Variants in TMEM178A observed in about 807,000 individuals in gnomAD.
TMEM178A encodes the protein transmembrane protein 178.
TMEM178A carries 12 observed loss-of-function variants against 29.1 expected under a neutral mutation model. The ratio of observed to expected loss-of-function variants is 0.41; its 90% confidence interval spans 0.26 to 0.67. The LOEUF is 0.67. TMEM178A is among the 30% of genes least tolerant of loss of function. The pLI, the probability that TMEM178A is intolerant of heterozygous loss-of-function variation, is 0.29. For missense variants in TMEM178A, 366 were observed against 419.1 expected (o/e 0.87, Z 1.11); for synonymous variants, 210 against 187.2 (o/e 1.12, Z -0.99).
chr2:39,674,895 G>A (rs369069549), intron 1 of TMEM178A, among the ~76,000 whole-genome samples: 9 of 151,866 alleles, frequency 5.9e-5, no homozygotes, highest in South Asian at 4.2e-4. Flanking sequence ...ATAAGCACGC[G>A]TAGAATAAAA....
chr2:39,703,420 G>A (rs1051979518), intron 1 of TMEM178A, among the ~76,000 whole-genome samples: 1 of 152,156 alleles, frequency 6.6e-6, no homozygotes, highest in Admixed American at 6.6e-5. Context: ...GTGTACACCT[G>A]CCCATATCAA....
intron 1 of TMEM178A, among the ~76,000 whole-genome samples, chr2:39,678,095 C>T (rs551518237): frequency 6.6e-6 from 1 of 152,158 alleles, no homozygotes; most frequent in African/African-American, 2.4e-5. Flanking sequence ...ATCTTGTTTC[C>T]TTAAATATCC....
downstream of TMEM178A, among the ~76,000 whole-genome samples, chr2:39,720,229 G>A (rs72936047): frequency 0.028 from 4,230 of 152,198 alleles, 190 homozygotes; most frequent in African/African-American, 0.095. Context: ...AGGGCCGGGT[G>A]GGGGGTGCCT....
intron 1 of TMEM178A, among the ~76,000 whole-genome samples, chr2:39,675,298 T>G (rs2716688): frequency 0.51 from 77,077 of 151,870 alleles, 20,625 homozygotes; most frequent in East Asian, 0.87. Flanking sequence ...GCACCACCAC[T>G]GATTTGGAAA....
chr2:39,734,348 T>TTTTC, the TMEM178A span, among the ~76,000 whole-genome samples: 1 of 152,212 alleles, frequency 6.6e-6, no homozygotes, highest in African/African-American at 2.4e-5. Context: ...CCACACTAGG[T>TTTTC]TTTCTTTCTA....
At chr2:39,688,080 A>T (rs1337975513) in intron 1 of TMEM178A, among the ~76,000 whole-genome samples, 1 of 152,242 alleles carries the variant, frequency 6.6e-6, no homozygotes, top group East Asian at 1.9e-4. Context: ...TACTTTTAGT[A>T]AGTTATTATC....
chr2:39,704,289 C>T (rs1054385230), intron 2 of TMEM178A, 95 bp downstream of exon 2: 2 of 1,051,818 alleles, frequency 1.9e-6, no homozygotes, highest in African/African-American at 3.1e-5. Flanking sequence ...GGATGTTGTT[C>T]TTATCCTCTG....
rs146030354 is a variant in TMEM178A, at chr2:39,682,447, G to A, written c.400+16073G>A. Among the ~76,000 whole-genome samples, 1,280 of 151,332 alleles carry A rather than the reference G, an allele frequency of 8.5e-3. 15 individuals carry two copies. Among genetic ancestry groups the A allele is most frequent in the South Asian group, 0.035 (167 of 4,802 alleles). On this transcript the variant is annotated intron_variant, in intron 1 of 3. Coordinates refer to ENST00000281961, the MANE Select transcript of TMEM178A (RefSeq NM_152390.3). ...AATGCTTATTGCCTTCCTAAATATC[G>A]TATGCTTCTGCTTCTGTTGTCTGCC...
At chr2:39,670,239 G>T (rs1285947487) in intron 1 of TMEM178A, among the ~76,000 whole-genome samples, 2 of 152,180 alleles carry the variant, frequency 1.3e-5, no homozygotes, top group East Asian at 3.8e-4. Flanking sequence ...GTAAGTGAGT[G>T]TGTCATGGAT....
At chr2:39,684,115 T>C (rs1427978862) in intron 1 of TMEM178A, among the ~76,000 whole-genome samples, 72 of 152,340 alleles carry the variant, frequency 4.7e-4, no homozygotes, top group Non-Finnish European at 1.6e-4. Flanking sequence ...TCATGTTAAA[T>C]GAATCATTTT....
chr2:39,696,798 C>A (rs913185644), intron 1 of TMEM178A, among the ~76,000 whole-genome samples: 5 of 152,218 alleles, frequency 3.3e-5, no homozygotes, highest in African/African-American at 1.2e-4. Flanking sequence ...CCATTTCTAA[C>A]CCCCTGTGCA....
At chr2:39,679,217 G>T (rs1327406072) in intron 1 of TMEM178A, among the ~76,000 whole-genome samples, 2 of 152,188 alleles carry the variant, frequency 1.3e-5, no homozygotes, top group African/African-American at 4.8e-5. Flanking sequence ...TAGAATGGTT[G>T]TTGAAATTTG....
intron 3 of TMEM178A, among the ~76,000 whole-genome samples, chr2:39,712,380 A>G (rs2148115654): frequency 6.6e-6 from 1 of 152,228 alleles, no homozygotes; most frequent in East Asian, 1.9e-4. Context: ...CCCTAATTAC[A>G]TCTTACCAGC....
intron 1 of TMEM178A, among the ~76,000 whole-genome samples, chr2:39,685,482 C>T (rs992283285): frequency 6.6e-6 from 1 of 152,202 alleles, no homozygotes; most frequent in Non-Finnish European, 1.5e-5. Flanking sequence ...CTTCTCTAGA[C>T]TCTAAGCTCT....
the TMEM178A span, among the ~76,000 whole-genome samples, chr2:39,732,817 C>T: frequency 4.6e-5 from 7 of 152,134 alleles, no homozygotes; most frequent in African/African-American, 1.7e-4. Flanking sequence ...TCTCTTAGCC[C>T]AGGCCTCAAT....
chr2:39,732,481 C>A, the TMEM178A span, among the ~76,000 whole-genome samples: 25 of 152,116 alleles, frequency 1.6e-4, no homozygotes, highest in African/African-American at 4.8e-4. Context: ...TGGGTCCATG[C>A]GACTTTTGGC....
At chr2:39,702,739 A>G (rs904137596) in intron 1 of TMEM178A, among the ~76,000 whole-genome samples, 1 of 152,092 alleles carries the variant, frequency 6.6e-6, no homozygotes, top group South Asian at 2.1e-4. Flanking sequence ...TAAAAAATAA[A>G]AAAAAAAGCT....
upstream of TMEM178A, chr2:39,665,894 C>G: frequency 8.2e-7 from 1 of 1,215,216 alleles, no homozygotes; most frequent in East Asian, 3.2e-5. Context: ...AGGGAGGGAG[C>G]GGGCGGAGAG....
chr2:39,690,256 C>T (rs192155939), intron 1 of TMEM178A, among the ~76,000 whole-genome samples: 7 of 152,346 alleles, frequency 4.6e-5, no homozygotes, highest in East Asian at 3.9e-4. Flanking sequence ...CCTGCAGTCA[C>T]GTGCTCCCTC....
Sources: gnomAD v4.1 joint callset for allele counts (sites outside exome capture counted in the v4.1 genomes callset) on GRCh38, gnomAD v4.1.1 for gene constraint, MANE v1.5 for transcripts, NCBI Gene and HGNC (gene_info 2026-07-23, HGNC 2026-07-21) for gene names.